WWP2: variants seen among roughly 807,000 people sequenced by gnomAD.
WWP2 encodes NEDD4-like E3 ubiquitin-protein ligase WWP2.
A neutral mutation model predicts 121.0 loss-of-function variants in WWP2; 57 were observed. That is an observed-to-expected ratio of 0.47 (90% confidence interval 0.38 to 0.59). The LOEUF is 0.59. WWP2 is among the 20% of genes least tolerant of loss of function. The pLI, the probability that WWP2 is intolerant of heterozygous loss-of-function variation, is 0.00. For missense variants in WWP2, 962 were observed against 1,158.9 expected (o/e 0.83, Z 2.47); for synonymous variants, 449 against 441.3 (o/e 1.02, Z -0.22).
intron 1 of WWP2, among the ~76,000 whole-genome samples, chr16:69,766,283 A>G (rs1597629994): frequency 6.6e-6 from 1 of 152,100 alleles, no homozygotes; most frequent in East Asian, 1.9e-4. Flanking sequence ...ACTTCAGAGT[A>G]CACCCTGGAT....
At chr16:69,822,273 C>G (rs2056606986) in intron 4 of WWP2, among the ~76,000 whole-genome samples, 1 of 152,136 alleles carries the variant, frequency 6.6e-6, no homozygotes, top group Non-Finnish European at 1.5e-5. Flanking sequence ...GATCATGAGC[C>G]TTGCTTGTAG....
In WWP2 at chr16:69,793,911, C is replaced by CTTTTT. The variant is rs71151135; in HGVS notation, c.71-4750_71-4746dup. Among the ~76,000 whole-genome samples, 449 of 62,336 alleles carry CTTTTT rather than the reference C, an allele frequency of 7.2e-3. 3 individuals are homozygous for CTTTTT. Among genetic ancestry groups the CTTTTT allele is most frequent in the Non-Finnish European group, 9.1e-3 (318 of 34,964 alleles). 40.9% of individuals were successfully genotyped at this position (62,336 alleles called of 152,430 possible). A position where few individuals can be genotyped will look rare whatever the true frequency, so the allele number is the denominator to read the frequency against. On this transcript the variant is annotated intron_variant, in intron 2 of 23. Transcript: ENST00000359154. ...TTGGGAAGGGCTGTTATTATCCTTG[C>CTTTTT]TTTTTTTTTTTTTTTTTTTTTTTTT...
intron 6 of WWP2, among the ~76,000 whole-genome samples, chr16:69,845,618 A>G (rs2057058595): frequency 6.6e-6 from 1 of 151,936 alleles, no homozygotes; most frequent in African/African-American, 2.4e-5. Flanking sequence ...TGCTTGGTAA[A>G]GCTGTAGAAC....
intron 2 of WWP2, among the ~76,000 whole-genome samples, chr16:69,795,675 T>TTG (rs869112185): frequency 2.0e-5 from 3 of 147,142 alleles, no homozygotes; most frequent in Admixed American, 1.4e-4. Flanking sequence ...TTTTTTTTTT[T>TTG]GTGAGAGTCT....
At position 69,809,461 on chromosome 16, in the gene WWP2, G is replaced by A. The variant is rs1299833644; in HGVS notation, c.340+10166G>A. Among the ~76,000 whole-genome samples the A allele has an allele frequency of 2.0e-5, 3 of 151,934 alleles. No homozygotes were observed. In the East Asian group the frequency reaches 5.8e-4, roughly 29 times the overall value. ...GTTTCAGGAGGGAATTCTAGGATGA[G>A]ACAAATGCAGAAGCTTTGAGGGTGG... On this transcript the variant is annotated intron_variant, in intron 4 of 23. Coordinates refer to ENST00000359154, the MANE Select transcript of WWP2 (RefSeq NM_001270454.2).
chr16:69,849,482 T>TATTCATTCATTC (rs10632935), intron 6 of WWP2, among the ~76,000 whole-genome samples: 18,896 of 149,578 alleles, frequency 0.13, 1,237 homozygotes, highest in South Asian at 0.15. Flanking sequence ...TTTATTTATT[T>TATTCATTCATTC]ATTCATTCAT....
intron 21 of WWP2, 147 bp from the exon 22 acceptor site, chr16:69,938,880 C>T: frequency 1.5e-6 from 1 of 659,030 alleles, no homozygotes. Flanking sequence ...TGGGGTTTCT[C>T]AGGTTGGAGG....
At chr16:69,815,854 A>G (rs2056480561) in intron 4 of WWP2, among the ~76,000 whole-genome samples, 2 of 151,522 alleles carry the variant, frequency 1.3e-5, no homozygotes, top group South Asian at 4.2e-4. Context: ...CATGTTCCCA[A>G]TTTCCTTTCT....
Position 69,888,101 on chromosome 16 carries a change from C to G in WWP2, c.766C>G (p.Pro256Ala), listed in dbSNP as rs1289060705. ...ACCTTCCGTTGTTGGTGTGACGTCC[C>G]CACCTGCTGCACCCTTGAGTGTGAC... The part of the protein sequence containing the change: ...EEPSVVGVTS[P>A]PAAPLSVTPN... Residue 256 changes from proline (P) to alanine (A), a missense_variant, in exon 8 of 24, where the codon CCA becomes GCA. Around this residue, in one of 3 missense-constraint regions of WWP2, gnomAD observed 211 missense variants for 196.5 expected, o/e 1.07. Transcript: ENST00000359154. The G allele has an allele frequency of 1.2e-6, 2 of 1,614,234 alleles. No individual in the cohort carries two copies. The highest frequency in any genetic ancestry group is 2.2e-5 in the East Asian group (1 of 44,888).
intron 6 of WWP2, among the ~76,000 whole-genome samples, chr16:69,850,426 C>T (rs1394576937): frequency 1.3e-5 from 2 of 150,004 alleles, no homozygotes; most frequent in Non-Finnish European, 3.0e-5. Flanking sequence ...GGGTCCCTGA[C>T]ATCAGGGAGT....
chr16:69,907,645 G>T, intron 8 of WWP2, among the ~76,000 whole-genome samples: 1 of 152,300 alleles, frequency 6.6e-6, no homozygotes, highest in Admixed American at 6.5e-5. Flanking sequence ...AATAACAGGA[G>T]TGTGGGGATA....
At chr16:69,897,820 A>G (rs1381120206) in intron 8 of WWP2, among the ~76,000 whole-genome samples, 1 of 151,892 alleles carries the variant, frequency 6.6e-6, no homozygotes, top group African/African-American at 2.4e-5. Context: ...AGGCAGAAGA[A>G]TGGTTTGAAC....
chr16:69,909,783 A>C, intron 9 of WWP2: 1 of 818,208 alleles, frequency 1.2e-6, no homozygotes, highest in Non-Finnish European at 1.5e-6. Flanking sequence ...TATTATGGAA[A>C]ATTTCAAATA....
At chr16:69,801,103 C>T (rs960135064) in intron 4 of WWP2, among the ~76,000 whole-genome samples, 5 of 147,738 alleles carry the variant, frequency 3.4e-5, no homozygotes, top group African/African-American at 1.2e-4. Flanking sequence ...ACAGAAGAAT[C>T]GCTTGAACCC....
rs773061673 is a variant in WWP2 at position 69,917,898 on chromosome 16, G to T, written c.1179+15G>T. 1.9e-6 allele frequency: 3 copies of T among 1,602,982 alleles called. No homozygotes were observed. Among genetic ancestry groups the T allele is most frequent in the Non-Finnish European group, 2.6e-6 (3 of 1,170,916 alleles). ...TCCTCTACCAGGTGAGAGGGCAGGC[G>T]CTTGGCCCGAGGTGGGGCCGCCTCC... On this transcript the variant is annotated intron_variant, in intron 10 of 23. Coordinates refer to ENST00000359154, the MANE Select transcript of WWP2 (RefSeq NM_001270454.2).
At chr16:69,931,335 G>GC (rs2058708467) in intron 14 of WWP2, 108 bp downstream of exon 14, 1 of 1,493,118 alleles carries the variant, frequency 6.7e-7, no homozygotes, top group African/African-American at 1.4e-5. Context: ...TTAGGCGGGC[G>GC]CAAGACACTT....
At chr16:69,869,841 C>G (rs1456603475) in intron 6 of WWP2, among the ~76,000 whole-genome samples, 1 of 152,050 alleles carries the variant, frequency 6.6e-6, no homozygotes, top group Non-Finnish European at 1.5e-5. Flanking sequence ...GGTTCATATC[C>G]CTCAAGGAGC....
intron 1 of WWP2, 103 bp from the exon 2 acceptor site, chr16:69,786,893 A>G (rs948711890): frequency 1.9e-5 from 20 of 1,032,624 alleles, no homozygotes; most frequent in Middle Eastern, 3.1e-4. Context: ...GGACGTTTCT[A>G]TTTTCTTGCC....
chr16:69,938,901 C>T (rs1472664867), intron 21 of WWP2, 126 bp from the exon 22 acceptor site: 2 of 789,774 alleles, frequency 2.5e-6, no homozygotes, highest in Admixed American at 4.7e-5. Context: ...CTGTCATCCC[C>T]TGGCCAACCT....
Sources: gnomAD v4.1 joint callset for allele counts (sites outside exome capture counted in the v4.1 genomes callset) on GRCh38, gnomAD v4.1.1 for gene constraint, gnomAD v4.1.1 regional missense constraint, MANE v1.5 for transcripts, NCBI Gene and HGNC (gene_info 2026-07-23, HGNC 2026-07-21) for gene names.